The following HEXA variants were observed in gnomAD, a reference collection of about 807,000 sequenced individuals.
HEXA encodes the protein beta-hexosaminidase subunit alpha.
HEXA carries 54 observed loss-of-function variants against 73.3 expected under a neutral mutation model. That is an observed-to-expected ratio of 0.74 (90% confidence interval 0.59 to 0.92). HEXA has a LOEUF of 0.92. Ranked by LOEUF, HEXA falls within the 40% of genes least tolerant of loss-of-function variation. The probability of loss-of-function intolerance (pLI) is 0.00; values close to 1 mark genes in which losing one functional copy is unlikely to be tolerated. For missense variants in HEXA, 649 were observed against 653.0 expected (o/e 0.99, Z 0.07); for synonymous variants, 230 against 246.9 (o/e 0.93, Z 0.64).
chr15:72,341,089 A>C lies in HEXA; in HGVS notation c.*2988T>G, dbSNP rs1017676834. Reference sequence around the variant, plus strand: ...TTAAGCTTACAAAAGATATTGACAGAAACTATACAAATCTAGAATTTAGAG... The same window carrying C: ...TTAAGCTTACAAAAGATATTGACAGCAACTATACAAATCTAGAATTTAGAG... On this transcript the variant is annotated 3_prime_UTR_variant, in exon 14 of 14. Transcript: ENST00000268097. 13 of 152,166 alleles carry C rather than the reference A, an allele frequency of 8.5e-5. No individual in the cohort carries two copies. The highest frequency in any genetic ancestry group is 3.1e-4 in the African/African-American group (13 of 41,418). The allele number at this position is 152,166 out of a possible 1,614,324, so 9.4% of individuals were successfully genotyped here.
At chr15:72,347,547 T>C in intron 10 of HEXA, 139 bp downstream of exon 10, 2 of 757,968 alleles carry the variant, frequency 2.6e-6, no homozygotes, top group Admixed American at 2.0e-5. Flanking sequence ...GTGGCCTTTC[T>C]AGAGAGAAAA....
At position 72,353,180 on chromosome 15, in the gene HEXA, T is replaced by C. The variant is rs547177633; in HGVS notation, c.460-2A>G. The C allele has an allele frequency of 1.9e-6, 3 of 1,570,424 alleles. No homozygotes were observed. Among genetic ancestry groups the C allele is most frequent in the Admixed American group, 1.7e-5 (1 of 59,808 alleles). ...AATCTCAGTCTTGTTGATAAAGAACTGTGCAGAACAAACATTGAACATGTC... is the reference window on the plus strand; with the variant it reads ...AATCTCAGTCTTGTTGATAAAGAACCGTGCAGAACAAACATTGAACATGTC... On this transcript the variant is annotated splice_acceptor_variant, in intron 4 of 13. Coordinates refer to ENST00000268097, the MANE Select transcript of HEXA (RefSeq NM_000520.6). LOFTEE classifies it high-confidence loss of function.
intron 5 of HEXA, among the ~76,000 whole-genome samples, chr15:72,352,664 A>ATT (rs1555473007): frequency 2.3e-5 from 1 of 42,920 alleles, no homozygotes; most frequent in African/African-American, 3.4e-5. Context: ...ATTACATACA[A>ATT]TTTTTTTTTT....
At position 72,375,952 on chromosome 15, in the gene HEXA, C is replaced by T. The variant is rs1407480461; in HGVS notation, c.21G>A (p.Trp7Ter). Residue 7 changes from tryptophan (W) to a stop codon, truncating the protein, a stop_gained, in exon 1 of 14, where the codon TGG (tryptophan) becomes TGA (stop). Coordinates refer to ENST00000268097, the MANE Select transcript of HEXA (RefSeq NM_000520.6). LOFTEE classifies it high-confidence loss of function. ...ACGCTGCCGCCAGCAGCAGCGAAAA[C>T]CAAAGCCTGGAGCTTGTCATGGCCC... Reference protein sequence around the residue: MTSSRLWFSLLLAAAFA... With the variant: MTSSRL The T allele has an allele frequency of 6.2e-7, 1 of 1,614,038 alleles. No individual in the cohort carries two copies. The highest frequency in any genetic ancestry group is 8.5e-7 in the Non-Finnish European group (1 of 1,180,032).
intron 1 of HEXA, chr15:72,359,092 T>A (rs73442507): frequency 5.3e-5 from 8 of 152,204 alleles, no homozygotes; most frequent in African/African-American, 1.9e-4. Flanking sequence ...GGAGGTAGCA[T>A]GAAAAACAGA....
intron 1 of HEXA, chr15:72,359,157 C>T (rs566183044): frequency 6.6e-6 from 1 of 152,340 alleles, no homozygotes; most frequent in South Asian, 2.1e-4. Flanking sequence ...TTGCTGCTGC[C>T]AAGCTGAGCA....
chr15:72,349,395 T>A, intron 7 of HEXA, 136 bp from the exon 8 acceptor site: 1 of 741,766 alleles, frequency 1.3e-6, no homozygotes, highest in South Asian at 1.5e-5. Context: ...GTAGGCACAC[T>A]TAGGCACTCA....
rs11299619 is a variant in HEXA, at chr15:72,371,591, GAA to G, written c.253+4127_253+4128del. ...ACAAAATAAGACCCTGTCTCTAAAA[GAA>G]AAAAAAAAAAAAAAAAAAAAGAAAA... On this transcript the variant is annotated intron_variant, in intron 1 of 13. Coordinates refer to ENST00000268097, the MANE Select transcript of HEXA (RefSeq NM_000520.6). Among the ~76,000 whole-genome samples, 370 of 121,804 alleles carry G rather than the reference GAA, an allele frequency of 3.0e-3. 2 individuals are homozygous for G. The highest frequency in any genetic ancestry group is 0.02 in the Middle Eastern group (5 of 254). 79.9% of individuals were successfully genotyped at this position (121,804 alleles called of 152,430 possible). A position where few individuals can be genotyped will look rare whatever the true frequency, so the allele number is the denominator to read the frequency against.
intron 3 of HEXA, 156 bp from the exon 4 acceptor site, chr15:72,353,893 G>T (rs1401886818): frequency 1.4e-6 from 1 of 690,488 alleles, no homozygotes; most frequent in African/African-American, 1.8e-5. Context: ...GATGAAAAGG[G>T]GATATTAGGA....
intron 6 of HEXA, 67 bp downstream of exon 6, chr15:72,351,066 C>A: frequency 9.6e-7 from 1 of 1,045,172 alleles, no homozygotes; most frequent in Non-Finnish European, 1.5e-6. Flanking sequence ...CCTGTTCTTG[C>A]CAGCAGGGCC....
At chr15:72,375,070 T>G (rs2089042486) in intron 1 of HEXA, among the ~76,000 whole-genome samples, 1 of 146,472 alleles carries the variant, frequency 6.8e-6, no homozygotes, top group Non-Finnish European at 1.5e-5. Flanking sequence ...TTTTTTTGTT[T>G]TGTTTTGTTT....
chr15:72,345,723 C>T (rs938603243), intron 12 of HEXA, 173 bp from the exon 13 acceptor site: 44 of 922,592 alleles, frequency 4.8e-5, no homozygotes, highest in Non-Finnish European at 7.0e-5. Flanking sequence ...GAGAGTTCTA[C>T]GGCTCAGCTC....
chr15:72,350,939 TGAA>T, intron 6 of HEXA, 191 bp downstream of exon 6: 1 of 650,546 alleles, frequency 1.5e-6, no homozygotes, highest in South Asian at 1.8e-5. Context: ...GATTCTCTCC[TGAA>T]GGTCACAAGG....
intron 7 of HEXA, 62 bp downstream of exon 7, chr15:72,350,456 C>A: frequency 6.4e-7 from 1 of 1,570,130 alleles, no homozygotes; most frequent in South Asian, 1.1e-5. Flanking sequence ...TGAGCCAGTG[C>A]CCTGAAGCTT....
intron 6 of HEXA, 76 bp from the exon 7 acceptor site, chr15:72,350,726 A>C: frequency 6.4e-7 from 1 of 1,560,368 alleles, no homozygotes. Context: ...AAATGCCCAC[A>C]AGACTCCCCA....
intron 2 of HEXA, chr15:72,355,889 T>A: frequency 1.8e-6 from 1 of 557,492 alleles, no homozygotes. Flanking sequence ...GGAGTGGAGG[T>A]CTGTACAAAG....
chr15:72,354,020 T>C, intron 3 of HEXA: 1 of 521,876 alleles, frequency 1.9e-6, no homozygotes, highest in Non-Finnish European at 3.5e-6. Context: ...TATCTATATT[T>C]CCTGTGCCTT....
At position 72,343,539 on chromosome 15, in the gene HEXA, G is replaced by C. The variant is rs778510381; in HGVS notation, c.*538C>G. ...AGCTCTAGGGGAGGGAGGTGGATGA[G>C]TATGCATGGGGGAGAGGCTCTTCTG... On this transcript the variant is annotated 3_prime_UTR_variant, in exon 14 of 14. Coordinates refer to ENST00000268097, the MANE Select transcript of HEXA (RefSeq NM_000520.6). The C allele has an allele frequency of 6.3e-6, 1 of 158,734 alleles. No homozygotes were observed. The highest frequency in any genetic ancestry group is 1.4e-5 in the Non-Finnish European group (1 of 71,316). The allele number at this position is 158,734 out of a possible 1,614,324, so 9.8% of individuals were successfully genotyped here. A position where few individuals can be genotyped will look rare whatever the true frequency, so the allele number is the denominator to read the frequency against.
At chr15:72,346,172 G>A in intron 12 of HEXA, 63 bp downstream of exon 12, 24 of 1,208,134 alleles carry the variant, frequency 2.0e-5, no homozygotes, top group Non-Finnish European at 2.7e-5. Context: ...ATGGGATTGG[G>A]TCTCTAAGGG....
Sources: gnomAD v4.1 joint callset for allele counts (sites outside exome capture counted in the v4.1 genomes callset) on GRCh38, gnomAD v4.1.1 for gene constraint, MANE v1.5 for transcripts, NCBI Gene and HGNC (gene_info 2026-07-23, HGNC 2026-07-21) for gene names.